HAS3: variants seen among roughly 807,000 people sequenced by gnomAD.
HAS3 encodes the protein hyaluronan synthase 3, also known as HA synthase 3.
A neutral mutation model predicts 50.3 loss-of-function variants in HAS3; 27 were observed. That is an observed-to-expected ratio of 0.54 (90% CI 0.40 to 0.74). The LOEUF is 0.74. HAS3 is among the 30% of genes least tolerant of loss of function. HAS3 has a pLI of 0.00. For missense variants in HAS3, 517 were observed against 742.8 expected (o/e 0.70, Z 3.53); for synonymous variants, 339 against 310.9 (o/e 1.09, Z -0.95).
At chr16:69,102,585 T>C (rs560554545), upstream of HAS3, among the ~76,000 whole-genome samples, 16 of 152,302 alleles carry the variant, frequency 1.1e-4, no homozygotes, top group South Asian at 3.3e-3. Context: ...AAGAGAGTGC[T>C]CCCTAGGGCA....
In HAS3 at chr16:69,109,644, G is replaced by A. The variant is rs750064637; in HGVS notation, c.249G>A (p.Arg83=). 6.2e-7 allele frequency: 1 copy of A among 1,610,252 alleles called. No homozygotes were observed. The highest frequency in any genetic ancestry group is 8.5e-7 in the Non-Finnish European group (1 of 1,179,624). ...AGGCCCTGAAGCTGCCCTCCCCGCG[G>A]CGGGGCTCGGTGGCACTGTGCATTG... The part of the protein sequence containing the change: ...AGQALKLPSP[R]RGSVALCIAA... The change falls in exon 2 of 4, where the codon CGG becomes CGA. Residue 83 remains arginine (R), a synonymous_variant. Coordinates refer to ENST00000569188, the MANE Select transcript of HAS3 (RefSeq NM_001199280.2). This position sits in a 1 kb window ranked among gnomAD's most constrained non-coding sequence, Gnocchi z 5.3.
chr16:69,098,103 G>C, the HAS3 span, among the ~76,000 whole-genome samples: 1 of 152,154 alleles, frequency 6.6e-6, no homozygotes. Flanking sequence ...AGGAAATCCT[G>C]CCAGGCGCGG....
At chr16:69,094,581 G>T in the HAS3 span, among the ~76,000 whole-genome samples, 1 of 152,152 alleles carries the variant, frequency 6.6e-6, no homozygotes, top group African/African-American at 2.4e-5. Flanking sequence ...GAGTAATGGG[G>T]ACTCCATTCC....
intron 2 of HAS3, among the ~76,000 whole-genome samples, chr16:69,112,129 A>G (rs1425669641): frequency 6.6e-6 from 1 of 152,258 alleles, no homozygotes; most frequent in Non-Finnish European, 1.5e-5. Flanking sequence ...AACCTTGCTC[A>G]GTTAGAAAGA....
At chr16:69,110,638 T>A (rs572460281) in intron 2 of HAS3, among the ~76,000 whole-genome samples, 5 of 152,224 alleles carry the variant, frequency 3.3e-5, no homozygotes, top group Non-Finnish European at 7.4e-5. Flanking sequence ...TGCTATTATC[T>A]CCACTCATAG....
the HAS3 span, among the ~76,000 whole-genome samples, chr16:69,089,871 C>G: frequency 6.6e-6 from 1 of 152,194 alleles, no homozygotes; most frequent in Non-Finnish European, 1.5e-5. Context: ...CTTTGTAACA[C>G]AGTGTTGCAA....
In HAS3 at chr16:69,109,401, G is replaced by A. The variant is rs371183883; in HGVS notation, c.6G>A (p.Pro2=). The A allele has an allele frequency of 1.7e-5, 27 of 1,601,284 alleles. 1 individual carries two copies. The highest frequency in any genetic ancestry group is 6.7e-5 in the African/African-American group (5 of 74,844). The change falls in exon 2 of 4, where the codon CCG becomes CCA. Residue 2 remains proline, a synonymous_variant. Coordinates refer to ENST00000569188, the MANE Select transcript of HAS3 (RefSeq NM_001199280.2). This position sits in a 1 kb window ranked among gnomAD's most constrained non-coding sequence, Gnocchi z 5.3. M[P]VQLTTALRVV... is the part of the protein sequence containing the mutation. Reference sequence around the variant, plus strand: ...CTCCTGCCTTCTCTCGCCAGATGCCGGTGCAGCTGACGACAGCCCTGCGTG... The same window carrying A: ...CTCCTGCCTTCTCTCGCCAGATGCCAGTGCAGCTGACGACAGCCCTGCGTG...
chr16:69,117,859 C>T (rs1245951503), downstream of HAS3, among the ~76,000 whole-genome samples: 1 of 152,086 alleles, frequency 6.6e-6, no homozygotes, highest in Non-Finnish European at 1.5e-5. Context: ...TGAATGGGCC[C>T]TTGCTAAGAC....
chr16:69,115,782 C>A lies in HAS3; in HGVS notation c.*516C>A. 2.0e-6 allele frequency: 2 copies of A among 986,122 alleles called. No individual in the cohort carries two copies. The highest frequency in any genetic ancestry group is 2.4e-6 in the Non-Finnish European group (2 of 830,288). The allele number at this position is 986,122 out of a possible 1,614,324, so 61.1% of individuals were successfully genotyped here. ...ATAAGATTGCGCCTGAGATACAAGG[C>A]CCAGAAGCCTGATCTTTGGGCATCA... On this transcript the variant is annotated 3_prime_UTR_variant, in exon 4 of 4. Transcript: ENST00000569188.
chr16:69,111,743 C>T (rs1373447174), intron 2 of HAS3, among the ~76,000 whole-genome samples: 2 of 152,160 alleles, frequency 1.3e-5, no homozygotes, highest in African/African-American at 2.4e-5. Flanking sequence ...CACCTGGGGT[C>T]GTGGGACCTT....
chr16:69,097,939 A>C, the HAS3 span, among the ~76,000 whole-genome samples: 1 of 152,198 alleles, frequency 6.6e-6, no homozygotes, highest in Non-Finnish European at 1.5e-5. Flanking sequence ...AGGAATTTAC[A>C]TAAAGGAAAT....
chr16:69,084,247 G>A, the HAS3 span: 47 of 152,400 alleles, frequency 3.1e-4, no homozygotes, highest in Non-Finnish European at 5.6e-4. Flanking sequence ...CTGGTGTCGA[G>A]ATGGAAAACT....
chr16:69,089,132 C>T, the HAS3 span, among the ~76,000 whole-genome samples: 1 of 152,130 alleles, frequency 6.6e-6, no homozygotes, highest in African/African-American at 2.4e-5. Context: ...ACCCTGGGTC[C>T]ATCCACCTGT....
In HAS3 at chr16:69,110,180, G is replaced by A. The variant is rs1269027999; in HGVS notation, c.636+149G>A. Reference sequence around the variant, plus strand: ...AGAAGGCAACAAGGTGGCCGGGCGCGGTGGCTCACGCCTGTAATCCCAACA... The same window carrying A: ...AGAAGGCAACAAGGTGGCCGGGCGCAGTGGCTCACGCCTGTAATCCCAACA... On this transcript the variant is annotated intron_variant, in intron 2 of 3. Transcript: ENST00000569188. 8 of 758,794 alleles carry A rather than the reference G, an allele frequency of 1.1e-5. No individual in the cohort carries two copies. The East Asian group carries it at 1.1e-4, about 10-fold the overall frequency. 47.0% of individuals were successfully genotyped at this position (758,794 alleles called of 1,614,324 possible).
chr16:69,103,727 C>G (rs564771100), upstream of HAS3, among the ~76,000 whole-genome samples: 239 of 152,264 alleles, frequency 1.6e-3, 1 homozygote, highest in African/African-American at 5.4e-3. Flanking sequence ...AACACTGATC[C>G]TTGAACTTGC....
At chr16:69,101,156 A>G (rs1960692946), upstream of HAS3, among the ~76,000 whole-genome samples, 1 of 152,122 alleles carries the variant, frequency 6.6e-6, no homozygotes, top group East Asian at 1.9e-4. Flanking sequence ...CCCATAACCT[A>G]CTGGATACAA....
chr16:69,113,350 C>A, intron 2 of HAS3, 91 bp from the exon 3 acceptor site: 1 of 835,242 alleles, frequency 1.2e-6, no homozygotes, highest in Non-Finnish European at 2.1e-6. Flanking sequence ...GGGGTCATGT[C>A]TCTCAGGCAG....
Position 69,116,290 on chromosome 16 carries a change from A to G in HAS3, c.*1024A>G. On this transcript the variant is annotated 3_prime_UTR_variant, in exon 4 of 4. Transcript: ENST00000569188. ...GTTTTCAAGGTGGCAATTGGGGCGG[A>G]GCCCCGGCTCTTATAGAAGCTTCAG... is the stretch of plus-strand genomic sequence containing the variant. 1 of 985,342 alleles carries G rather than the reference A, an allele frequency of 1.0e-6. No homozygotes were observed. The highest frequency in any genetic ancestry group is 1.2e-6 in the Non-Finnish European group (1 of 829,538). 61.0% of individuals were successfully genotyped at this position (985,342 alleles called of 1,614,324 possible). A position where few individuals can be genotyped will look rare whatever the true frequency, so the allele number is the denominator to read the frequency against.
chr16:69,115,098 A>G lies in HAS3; in HGVS notation c.1494A>G (p.Thr498=). 6.2e-7 allele frequency: 1 copy of G among 1,612,836 alleles called. No homozygotes were observed. Among genetic ancestry groups the G allele is most frequent in the Non-Finnish European group, 8.5e-7 (1 of 1,179,312 alleles). ...TTCTCCTGGGAGGGCTGGCCTACAC[A>G]GCTTATTGCCAGGACCTGTTCAGTG... ...VAVLLGGLAY[T]AYCQDLFSET... Residue 498 remains threonine, a synonymous_variant, in exon 4 of 4, where the codon ACA becomes ACG. Transcript: ENST00000569188.
Sources: allele counts gnomAD v4.1 joint callset (sites outside exome capture counted in the v4.1 genomes callset), GRCh38; gene constraint gnomAD v4.1.1; non-coding constraint Gnocchi (gnomAD v3.1); transcripts MANE v1.5; gene names NCBI Gene and HGNC (gene_info 2026-07-23, HGNC 2026-07-21).